PER2: variants seen among roughly 807,000 people sequenced by gnomAD.
PER2 encodes period circadian regulator 2, also known as period circadian protein homolog 2.
In PER2, 66 loss-of-function variants were observed where a neutral mutation model predicts 121.0. The ratio of observed to expected loss-of-function variants is 0.55; its 90% confidence interval spans 0.45 to 0.67. The LOEUF is 0.67. PER2 is among the 30% of genes least tolerant of loss of function. The probability of loss-of-function intolerance (pLI) is 0.00; values close to 1 mark genes in which losing one functional copy is unlikely to be tolerated. For missense variants in PER2, 1,521 were observed against 1,635.0 expected (o/e 0.93, Z 1.20); for synonymous variants, 684 against 659.9 (o/e 1.04, Z -0.56).
In PER2 at chr2:238,253,316, C is replaced by A; in HGVS notation, c.2707G>T (p.Val903Phe). 4 of 1,613,608 alleles carry A rather than the reference C, an allele frequency of 2.5e-6. No homozygotes were observed. Among genetic ancestry groups the A allele is most frequent in the Non-Finnish European group, 3.4e-6 (4 of 1,179,746 alleles). Residue 903 changes from valine (V) to phenylalanine (F), a missense_variant, in exon 19 of 23, where the codon GTC becomes TTC. Val to Phe is a conservative substitution (Grantham distance 50). Transcript: ENST00000254657. This position sits in a 1 kb window ranked among gnomAD's most constrained non-coding sequence, Gnocchi z 5.6. ...TAACTGGGTAGCATGAATGCCATGA[C>A]AGGCGCCAAAGGGGCAGGGAAAGGT... is the stretch of plus-strand genomic sequence containing the variant. ...PPPFPAPLAP[V>F]MAFMLPSYSF... is the part of the protein sequence containing the mutation.
At chr2:238,262,678 G>A (rs762951963) in intron 10 of PER2, among the ~76,000 whole-genome samples, 95 of 152,118 alleles carry the variant, frequency 6.2e-4, no homozygotes, top group Non-Finnish European at 1.2e-3. Context: ...CCTCCCATGC[G>A]CCACTGAAGC....
intron 17 of PER2, among the ~76,000 whole-genome samples, 196 bp from the exon 18 acceptor site, chr2:238,256,107 G>A (rs964738668): frequency 6.6e-6 from 1 of 152,248 alleles, no homozygotes; most frequent in African/African-American, 2.4e-5. Flanking sequence ...AGCAGAGCAG[G>A]ACAGCCCTGA....
In PER2 at chr2:238,253,425, T is replaced by C; in HGVS notation, c.2598A>G (p.Ala866=). ...LPVFPAPGTV[A]APPAPPHASF... ...TGGCGTGGGGAGGTGCCGGGGGTGC[T>C]GCCACAGTCCCTGGCGCTGGAAACA... The change falls in exon 19 of 23, where the codon GCA becomes GCG. Residue 866 remains alanine, a synonymous_variant. Transcript: ENST00000254657. The surrounding 1 kb of genome is among the most constrained non-coding windows in gnomAD (Gnocchi z 5.6). 1 of 1,610,606 alleles carries C rather than the reference T, an allele frequency of 6.2e-7. No homozygotes were observed. Among genetic ancestry groups the C allele is most frequent in the Non-Finnish European group, 8.5e-7 (1 of 1,177,574 alleles).
Position 238,255,425 on chromosome 2 carries a change from G to A in PER2, c.2320+232C>T, listed in dbSNP as rs374918916. 1.2e-4 allele frequency: 74 copies of A among 597,890 alleles called. 1 individual carries two copies. The highest frequency in any genetic ancestry group is 7.6e-4 in the African/African-American group (41 of 54,084). The allele number at this position is 597,890 out of a possible 1,614,324, so 37.0% of individuals were successfully genotyped here. A position where few individuals can be genotyped will look rare whatever the true frequency, so the allele number is the denominator to read the frequency against. On this transcript the variant is annotated intron_variant, in intron 18 of 22. Coordinates refer to ENST00000254657, the MANE Select transcript of PER2 (RefSeq NM_022817.3). ...GCCCTGCCATGGTTCTTCCCACCTC[G>A]GGCACTAGCCTGGGACTATTCCCCA... is the stretch of plus-strand genomic sequence containing the variant.
In PER2 at chr2:238,271,402, C is replaced by A. The variant is rs778420415; in HGVS notation, c.682G>T (p.Val228Leu). ...ACATCGTGAGGCGCCAGGAACTCCA[C>A]AAACTTGGCATCGCTGAAGGCATCT... is the stretch of plus-strand genomic sequence containing the variant. ...KRDAFSDAKF[V>L]EFLAPHDVGV... Residue 228 changes from valine to leucine, a missense_variant, in exon 6 of 23, where the codon GTG becomes TTG. Physicochemically the swap from Val to Leu is conservative, Grantham distance 32 (BLOSUM62 1). Coordinates refer to ENST00000254657, the MANE Select transcript of PER2 (RefSeq NM_022817.3). 6.2e-7 allele frequency: 1 copy of A among 1,614,086 alleles called. No individual in the cohort carries two copies. The highest frequency in any genetic ancestry group is 8.5e-7 in the Non-Finnish European group (1 of 1,180,000).
In PER2 at chr2:238,252,077, T is replaced by C. The variant is rs1191404849; in HGVS notation, c.3112-316A>G. Among the ~76,000 whole-genome samples, 1 of 152,118 alleles carries C rather than the reference T, an allele frequency of 6.6e-6. No homozygotes were observed. The highest frequency in any genetic ancestry group is 1.5e-5 in the Non-Finnish European group (1 of 68,016). The stretch of plus-strand genomic sequence containing the variant: ...CCTTGGCCACAGCCCCCTCCTCACA[T>C]GCAGCAGACATGGATGGGGAAAACG... On this transcript the variant is annotated intron_variant, in intron 19 of 22. Transcript: ENST00000254657. This position sits in a 1 kb window ranked among gnomAD's most constrained non-coding sequence, Gnocchi z 4.2.
intron 4 of PER2, among the ~76,000 whole-genome samples, chr2:238,274,117 T>A (rs910877367): frequency 4.6e-5 from 7 of 152,160 alleles, no homozygotes; most frequent in African/African-American, 1.7e-4. Flanking sequence ...CAAGAAACAT[T>A]TGAAAGAAAG....
chr2:238,266,775 C>T (rs1330802407), intron 8 of PER2, among the ~76,000 whole-genome samples: 1 of 152,150 alleles, frequency 6.6e-6, no homozygotes, highest in Non-Finnish European at 1.5e-5. Flanking sequence ...CGGTGGCTCG[C>T]GCCTGTAATC....
At chr2:238,284,575 C>T (rs1276098019) in intron 1 of PER2, among the ~76,000 whole-genome samples, 2 of 152,122 alleles carry the variant, frequency 1.3e-5, no homozygotes, top group South Asian at 4.1e-4. Context: ...GGACTAAGAA[C>T]TCAGTGCCAC....
chr2:238,296,958 C>G, the PER2 span, among the ~76,000 whole-genome samples: 505 of 152,318 alleles, frequency 3.3e-3, 1 homozygote, highest in African/African-American at 0.012. Flanking sequence ...GCCCTCCTCG[C>G]GGGGGACATC....
chr2:238,283,462 G>A (rs765879093), intron 1 of PER2, among the ~76,000 whole-genome samples: 3 of 152,258 alleles, frequency 2.0e-5, no homozygotes, highest in Non-Finnish European at 4.4e-5. Context: ...AGAGAGTGGA[G>A]AGTGAGCTAC....
chr2:238,257,126 T>C, intron 16 of PER2, 40 bp from the exon 17 acceptor site: 3 of 1,590,158 alleles, frequency 1.9e-6, no homozygotes, highest in East Asian at 2.2e-5. Flanking sequence ...AGTGTGTCAT[T>C]ACAATGCACT....
At position 238,262,072 on chromosome 2, in the gene PER2, G is replaced by A. The variant is rs1162300901; in HGVS notation, c.1307+119C>T. ...TGGGGCTCCAGATTGGTGGCAGGAA[G>A]CAAGGTTTCGGTCTTGGCCTCTCAG... On this transcript the variant is annotated intron_variant, in intron 11 of 22. Transcript: ENST00000254657. The A allele has an allele frequency of 3.4e-5, 36 of 1,044,662 alleles. 1 individual carries two copies. Among genetic ancestry groups the A allele is most frequent in the Non-Finnish European group, 4.6e-5 (31 of 671,282 alleles). 64.7% of individuals were successfully genotyped at this position (1,044,662 alleles called of 1,614,324 possible). A position where few individuals can be genotyped will look rare whatever the true frequency, so the allele number is the denominator to read the frequency against.
At chr2:238,272,229 C>T (rs1696312208) in intron 5 of PER2, among the ~76,000 whole-genome samples, 1 of 152,228 alleles carries the variant, frequency 6.6e-6, no homozygotes. Context: ...CTGTCTCCAC[C>T]CCCTGGGAGG....
chr2:238,298,017 A>G, the PER2 span, among the ~76,000 whole-genome samples: 932 of 148,132 alleles, frequency 6.3e-3, 7 homozygotes, highest in African/African-American at 0.023. Context: ...GTGCCTCCCA[A>G]TAAAGCTTTT....
Position 238,268,870 on chromosome 2 carries a change from G to T in PER2, c.824+53C>A. 1 of 1,319,886 alleles carries T rather than the reference G, an allele frequency of 7.6e-7. No homozygotes were observed. The highest frequency in any genetic ancestry group is 2.3e-5 in the East Asian group (1 of 43,570). The allele number at this position is 1,319,886 out of a possible 1,614,324, so 81.8% of individuals were successfully genotyped here. Reference sequence around the variant, plus strand: ...CCAGCCTCAAGCGGAGCAGTGCTGGGGTGAAATGTTTATACGGTTTTCTAA... The same window carrying T: ...CCAGCCTCAAGCGGAGCAGTGCTGGTGTGAAATGTTTATACGGTTTTCTAA... On this transcript the variant is annotated intron_variant, in intron 7 of 22. Coordinates refer to ENST00000254657, the MANE Select transcript of PER2 (RefSeq NM_022817.3). The surrounding 1 kb of genome is among the most constrained non-coding windows in gnomAD (Gnocchi z 4.0).
rs376042357 is a variant in PER2, at chr2:238,268,148, G to A, written c.875C>T (p.Thr292Met). The A allele has an allele frequency of 9.9e-6, 16 of 1,613,972 alleles. No individual in the cohort carries two copies. The highest frequency in any genetic ancestry group is 2.7e-5 in the African/African-American group (2 of 74,926). Residue 292 changes from threonine (T) to methionine (M), a missense_variant, in exon 8 of 23, where the codon ACG (threonine) becomes ATG (methionine). Physicochemically the swap from Thr to Met is moderately conservative, Grantham distance 81. Coordinates refer to ENST00000254657, the MANE Select transcript of PER2 (RefSeq NM_022817.3). The surrounding 1 kb of genome is among the most constrained non-coding windows in gnomAD (Gnocchi z 4.0). The part of the protein sequence containing the change: ...NEIRYHPFRM[T>M]PYLVKVRDQQ... Reference sequence around the variant, plus strand: ...GTCCCGCACCTTGACCAGGTAGGGCGTCATGCGGAAGGGGTGGTAGCGGAT... The same window carrying A: ...GTCCCGCACCTTGACCAGGTAGGGCATCATGCGGAAGGGGTGGTAGCGGAT...
chr2:238,274,625 C>A (rs1018032441), intron 4 of PER2, among the ~76,000 whole-genome samples: 2 of 152,262 alleles, frequency 1.3e-5, no homozygotes, highest in African/African-American at 2.4e-5. Flanking sequence ...AGCAGCCCAA[C>A]TGATCAGAAC....
chr2:238,273,825 G>A (rs370087154), intron 4 of PER2, among the ~76,000 whole-genome samples: 2 of 152,186 alleles, frequency 1.3e-5, no homozygotes, highest in African/African-American at 4.8e-5. Context: ...GTGCCACCAC[G>A]CCCAGCTAAT....
Sources: allele counts gnomAD v4.1 joint callset (sites outside exome capture counted in the v4.1 genomes callset), GRCh38; gene constraint gnomAD v4.1.1; non-coding constraint Gnocchi (gnomAD v3.1); transcripts MANE v1.5; gene names NCBI Gene and HGNC (gene_info 2026-07-23, HGNC 2026-07-21).